PABPC4L: variants seen among roughly 807,000 people sequenced by gnomAD.
The protein encoded by PABPC4L is poly(A) binding protein cytoplasmic 4 like, also known as polyadenylate-binding protein 4-like.
For missense variants in PABPC4L, 452 were observed against 451.4 expected (o/e 1.00, Z -0.01); for synonymous variants, 169 against 164.1 (o/e 1.03, Z -0.23).
chr4:133,973,246 C>T, the PABPC4L span, among the ~76,000 whole-genome samples: 3 of 151,390 alleles, frequency 2.0e-5, no homozygotes, highest in Admixed American at 2.0e-4. Flanking sequence ...AGAAGATCTT[C>T]TAAAAACAAA....
chr4:134,184,783 G>T, the PABPC4L span, among the ~76,000 whole-genome samples: 1 of 151,930 alleles, frequency 6.6e-6, no homozygotes, highest in African/African-American at 2.4e-5. Context: ...TTACAAAATG[G>T]CTGTACCATT....
the PABPC4L span, among the ~76,000 whole-genome samples, chr4:134,126,421 G>A: frequency 6.6e-6 from 1 of 152,020 alleles, no homozygotes; most frequent in East Asian, 1.9e-4. Context: ...ACTTATCAGA[G>A]TCTCCAGATT....
the PABPC4L span, among the ~76,000 whole-genome samples, chr4:134,119,694 A>G: frequency 1.3e-5 from 2 of 151,632 alleles, no homozygotes; most frequent in African/African-American, 2.4e-5. Context: ...AACATCACCA[A>G]GTACCCAGAA....
chr4:134,117,126 A>G, the PABPC4L span, among the ~76,000 whole-genome samples: 1 of 151,664 alleles, frequency 6.6e-6, no homozygotes, highest in Non-Finnish European at 1.5e-5. Flanking sequence ...TTTTCAAACT[A>G]TAGCCATGAC....
At chr4:134,193,036 T>TA (rs1379190840), downstream of PABPC4L, among the ~76,000 whole-genome samples, 2 of 152,176 alleles carry the variant, frequency 1.3e-5, no homozygotes, top group African/African-American at 2.4e-5. Context: ...TTCTAAATAA[T>TA]AAAAAATTAC....
At chr4:134,039,977 A>G in the PABPC4L span, among the ~76,000 whole-genome samples, 1 of 151,994 alleles carries the variant, frequency 6.6e-6, no homozygotes. Flanking sequence ...TTGCTACAAA[A>G]AAAATAAAAT....
the PABPC4L span, among the ~76,000 whole-genome samples, chr4:134,032,972 G>A: frequency 6.7e-6 from 1 of 149,260 alleles, no homozygotes; most frequent in African/African-American, 2.5e-5. Flanking sequence ...TTGTATAGAA[G>A]TATACCTTGT....
At chr4:134,127,357 T>C in the PABPC4L span, among the ~76,000 whole-genome samples, 1 of 151,866 alleles carries the variant, frequency 6.6e-6, no homozygotes, top group Non-Finnish European at 1.5e-5. Context: ...ACAAAACCAG[T>C]GTACTAAACA....
At chr4:134,082,129 A>G in the PABPC4L span, among the ~76,000 whole-genome samples, 3 of 152,176 alleles carry the variant, frequency 2.0e-5, no homozygotes, top group Non-Finnish European at 4.4e-5. Flanking sequence ...ACTTTCTGAC[A>G]TGATTCAAAA....
At chr4:134,110,726 T>A in the PABPC4L span, among the ~76,000 whole-genome samples, 1 of 152,022 alleles carries the variant, frequency 6.6e-6, no homozygotes, top group South Asian at 2.1e-4. Context: ...CTCAACCTCC[T>A]GTATATGTTA....
chr4:133,960,122 G>T, the PABPC4L span, among the ~76,000 whole-genome samples: 1 of 152,058 alleles, frequency 6.6e-6, no homozygotes, highest in Non-Finnish European at 1.5e-5. Flanking sequence ...GCAGAGATTC[G>T]CATTGTGAAT....
At chr4:134,025,305 C>CAAA in the PABPC4L span, among the ~76,000 whole-genome samples, 127 of 45,470 alleles carry the variant, frequency 2.8e-3, no homozygotes, top group Non-Finnish European at 3.4e-3. Flanking sequence ...GAATTCATCT[C>CAAA]AAAAAAAAAA....
At chr4:133,980,201 A>G in the PABPC4L span, among the ~76,000 whole-genome samples, 2 of 152,206 alleles carry the variant, frequency 1.3e-5, no homozygotes, top group Non-Finnish European at 2.9e-5. Flanking sequence ...TTGTATAATA[A>G]TTAATCATTA....
At chr4:134,031,339 T>C in the PABPC4L span, among the ~76,000 whole-genome samples, 1 of 152,042 alleles carries the variant, frequency 6.6e-6, no homozygotes, top group Non-Finnish European at 1.5e-5. Flanking sequence ...TAGTATTTAT[T>C]TGTGTATTCA....
At chr4:134,131,496 G>C in the PABPC4L span, among the ~76,000 whole-genome samples, 19 of 151,678 alleles carry the variant, frequency 1.3e-4, no homozygotes, top group South Asian at 3.7e-3. Flanking sequence ...TAACCAAGGA[G>C]GTGAAAGACC....
chr4:134,049,773 T>C, the PABPC4L span, among the ~76,000 whole-genome samples: 1 of 152,224 alleles, frequency 6.6e-6, no homozygotes, highest in Non-Finnish European at 1.5e-5. Flanking sequence ...ATATGCAAAT[T>C]GCTTAATCAA....
At chr4:134,139,504 C>T in the PABPC4L span, among the ~76,000 whole-genome samples, 2 of 151,822 alleles carry the variant, frequency 1.3e-5, no homozygotes. Context: ...AACACTGGAC[C>T]TATTCATTAA....
the PABPC4L span, among the ~76,000 whole-genome samples, chr4:133,970,993 A>G: frequency 1.3e-5 from 2 of 152,056 alleles, no homozygotes; most frequent in Admixed American, 1.3e-4. Context: ...CAAACAGACT[A>G]AGACAATCCC....
At chr4:134,065,629 C>T in the PABPC4L span, among the ~76,000 whole-genome samples, 1 of 151,960 alleles carries the variant, frequency 6.6e-6, no homozygotes, top group Non-Finnish European at 1.5e-5. Context: ...TAATGATTCC[C>T]ATTTATGACT....
Sources: allele counts gnomAD v4.1 joint callset (sites outside exome capture counted in the v4.1 genomes callset), GRCh38; gene constraint gnomAD v4.1.1; transcripts MANE v1.5; gene names NCBI Gene and HGNC (gene_info 2026-07-23, HGNC 2026-07-21).